Variants in WDFY3 observed in about 807,000 individuals in gnomAD.
WDFY3 encodes the protein WD repeat and FYVE domain containing 3, also known as WD repeat and FYVE domain-containing protein 3.
WDFY3 carries 66 observed loss-of-function variants against 409.6 expected under a neutral mutation model. The ratio of observed to expected loss-of-function variants is 0.16; its 90% CI spans 0.13 to 0.20. The LOEUF is 0.20. Ranked by LOEUF, WDFY3 falls within the 10% of genes least tolerant of loss-of-function variation. The pLI is 1.00. For synonymous variants in WDFY3, 1,521 were observed against 1,537.1 expected (o/e 0.99, Z 0.25); for missense variants, 3,031 against 4,298.1 (o/e 0.71, Z 8.24).
At position 84,861,183 on chromosome 4, in the gene WDFY3, C is replaced by G. The variant is rs1002022239; in HGVS notation, c.-31-561G>C. Among the ~76,000 whole-genome samples the G allele has an allele frequency of 7.9e-5, 12 of 152,158 alleles. No individual in the cohort carries two copies. The South Asian group carries it at 2.5e-3, about 32-fold the overall frequency. On this transcript the variant is annotated intron_variant, in intron 3 of 67. Coordinates refer to ENST00000295888, the MANE Select transcript of WDFY3 (RefSeq NM_014991.6). ...CCAAGATCACGCCACTGCATTTCAG[C>G]TTGGGTGACAGAGACTCTGTCTTTA...
At chr4:84,940,674 A>G (rs1771992088) in intron 1 of WDFY3, among the ~76,000 whole-genome samples, 2 of 152,102 alleles carry the variant, frequency 1.3e-5, no homozygotes, top group African/African-American at 2.4e-5. Flanking sequence ...AAAGCCTTTT[A>G]TAAGATACAA....
chr4:84,880,670 C>CATATATAT (rs1412358154), intron 3 of WDFY3, among the ~76,000 whole-genome samples: 1 of 55,204 alleles, frequency 1.8e-5, no homozygotes, highest in African/African-American at 8.1e-5. Context: ...ATAAGGGAAC[C>CATATATAT]ATACATATAT....
At position 84,679,090 on chromosome 4, in the gene WDFY3, T is replaced by C; in HGVS notation, c.9976A>G (p.Ser3326Gly). The change falls in exon 65 of 68, where the codon AGT (serine) becomes GGT (glycine). Residue 3326 changes from serine to glycine, a missense_variant. Transcript: ENST00000295888. ...CRATAAWCTDSGSDDSRRWSD... is the reference protein window; with the variant it reads ...CRATAAWCTDGGSDDSRRWSD... ...CAGCGTCTGGAGTCGTCAGAGCCACTGTCAGTACACCAGGCGGCTGTTGCG... is the reference window on the plus strand; with the variant it reads ...CAGCGTCTGGAGTCGTCAGAGCCACCGTCAGTACACCAGGCGGCTGTTGCG... The C allele has an allele frequency of 1.1e-5, 17 of 1,614,184 alleles. No homozygotes were observed. Among genetic ancestry groups the C allele is most frequent in the South Asian group, 2.2e-5 (2 of 91,092 alleles).
chr4:84,691,805 G>C lies in WDFY3; in HGVS notation c.9050-20C>G. 1 of 1,594,176 alleles carries C rather than the reference G, an allele frequency of 6.3e-7. No homozygotes were observed. The highest frequency in any genetic ancestry group is 1.1e-5 in the South Asian group (1 of 89,542). ...TGAGTTCTAGAAAAAAGAAATCATG[G>C]TATTAGGACAGGAACAGGAAAAACT... On this transcript the variant is annotated intron_variant, in intron 59 of 67. Coordinates refer to ENST00000295888, the MANE Select transcript of WDFY3 (RefSeq NM_014991.6).
At chr4:84,920,223 A>C (rs1035093631) in intron 2 of WDFY3, among the ~76,000 whole-genome samples, 17 of 152,334 alleles carry the variant, frequency 1.1e-4, no homozygotes, top group African/African-American at 4.1e-4. Context: ...TAATTCCTAC[A>C]CTGGAGGAGA....
At chr4:84,720,242 T>C (rs898934115) in intron 47 of WDFY3, among the ~76,000 whole-genome samples, 4 of 152,258 alleles carry the variant, frequency 2.6e-5, no homozygotes, top group East Asian at 1.9e-4. Context: ...GAGTGATATA[T>C]ATAAGGCATC....
chr4:84,929,460 T>C (rs1351966258), intron 2 of WDFY3, among the ~76,000 whole-genome samples: 4 of 151,466 alleles, frequency 2.6e-5, no homozygotes, highest in African/African-American at 9.7e-5. Context: ...GGGCAATAGA[T>C]TGAATTGCGC....
chr4:84,944,913 T>C (rs1451041721), intron 1 of WDFY3, among the ~76,000 whole-genome samples: 3 of 152,154 alleles, frequency 2.0e-5, no homozygotes, highest in Non-Finnish European at 4.4e-5. Context: ...CTTCCTGGAG[T>C]AGCTGGAAAG....
At chr4:84,803,016 G>A (rs1368380470) in intron 16 of WDFY3, among the ~76,000 whole-genome samples, 5 of 152,172 alleles carry the variant, frequency 3.3e-5, no homozygotes, top group Non-Finnish European at 7.3e-5. Context: ...GTCCACTGCT[G>A]AGCAGGATTT....
At chr4:84,903,136 G>A (rs991908165) in intron 2 of WDFY3, among the ~76,000 whole-genome samples, 5 of 152,144 alleles carry the variant, frequency 3.3e-5, no homozygotes, top group African/African-American at 1.2e-4. Context: ...AGAAAAAAGA[G>A]AGTATCAGTA....
At chr4:84,698,965 G>C (rs1450347300) in intron 56 of WDFY3, among the ~76,000 whole-genome samples, 1 of 152,096 alleles carries the variant, frequency 6.6e-6, no homozygotes, top group Non-Finnish European at 1.5e-5. Flanking sequence ...TGGAACTACA[G>C]GCGTGAGCCA....
intron 5 of WDFY3, among the ~76,000 whole-genome samples, chr4:84,849,338 A>G (rs1287308794): frequency 6.6e-6 from 1 of 152,118 alleles, no homozygotes; most frequent in Non-Finnish European, 1.5e-5. Flanking sequence ...ACAGTAGTTC[A>G]GAACAGAAAA....
At chr4:84,679,381 G>GT (rs1193546387) in intron 64 of WDFY3, 139 bp from the exon 65 acceptor site, 8 of 867,204 alleles carry the variant, frequency 9.2e-6, no homozygotes, top group African/African-American at 1.7e-5. Context: ...AAAAAAGAAA[G>GT]TAAGTGCCAG....
At chr4:84,720,870 T>C (rs927383212) in intron 47 of WDFY3, among the ~76,000 whole-genome samples, 1 of 152,018 alleles carries the variant, frequency 6.6e-6, no homozygotes, top group Non-Finnish European at 1.5e-5. Flanking sequence ...CTCCAAGGTG[T>C]ACCAGGCTGC....
intron 45 of WDFY3, among the ~76,000 whole-genome samples, chr4:84,725,542 G>C (rs1284347401): frequency 6.6e-6 from 1 of 152,112 alleles, no homozygotes; most frequent in Admixed American, 6.6e-5. Flanking sequence ...GGAAAAGTTT[G>C]TATGTATATA....
chr4:84,893,383 C>T (rs1169280867), intron 3 of WDFY3, among the ~76,000 whole-genome samples: 1 of 152,186 alleles, frequency 6.6e-6, no homozygotes, highest in Admixed American at 6.5e-5. Flanking sequence ...TTTGGCAGCT[C>T]TTCTCATAAT....
chr4:84,913,016 T>C (rs1189357046), intron 2 of WDFY3, among the ~76,000 whole-genome samples: 3 of 152,200 alleles, frequency 2.0e-5, no homozygotes, highest in Non-Finnish European at 2.9e-5. Context: ...ACTTTGTCGC[T>C]GAAGTTAGAA....
chr4:84,766,243 T>A lies in WDFY3; in HGVS notation c.4970+9A>T, dbSNP rs777553854. 6.4e-7 allele frequency: 1 copy of A among 1,571,822 alleles called. No homozygotes were observed. The highest frequency in any genetic ancestry group is 2.2e-5 in the East Asian group (1 of 44,522). ...CTGGTATAATCACTTTTAAAAAAGA[T>A]TTACTTACTGCAAATTAATGCTTGT... On this transcript the variant is annotated intron_variant, in intron 31 of 67. Coordinates refer to ENST00000295888, the MANE Select transcript of WDFY3 (RefSeq NM_014991.6).
rs6831724 is a variant in WDFY3, at chr4:84,750,494, C to T, written c.5973+989G>A. Among the ~76,000 whole-genome samples, 339 of 152,168 alleles carry T rather than the reference C, an allele frequency of 2.2e-3. 1 individual carries two copies. The highest frequency in any genetic ancestry group is 7.9e-3 in the African/African-American group (327 of 41,542). ...CAAAAAAAAAAAATCTCAGGTTCAG[C>T]TGTCAAACTGCTGAGAGACAGTGCA... On this transcript the variant is annotated intron_variant, in intron 36 of 67. Coordinates refer to ENST00000295888, the MANE Select transcript of WDFY3 (RefSeq NM_014991.6).
Sources: gnomAD v4.1 joint callset for allele counts (sites outside exome capture counted in the v4.1 genomes callset) on GRCh38, gnomAD v4.1.1 for gene constraint, MANE v1.5 for transcripts, NCBI Gene and HGNC (gene_info 2026-07-23, HGNC 2026-07-21) for gene names.